NBPF3: variants seen among roughly 807,000 people sequenced by gnomAD.
The protein encoded by NBPF3 is NBPF family member NBPF3.
A neutral mutation model predicts 78.1 loss-of-function variants in NBPF3; 57 were observed. The ratio of observed to expected loss-of-function variants is 0.73; its 90% CI spans 0.59 to 0.91. NBPF3 has a LOEUF of 0.91. Ranked by LOEUF, NBPF3 falls within the 40% of genes least tolerant of loss-of-function variation. The probability of loss-of-function intolerance (pLI) is 0.00; values close to 1 mark genes in which losing one functional copy is unlikely to be tolerated. For synonymous variants in NBPF3, 182 were observed against 271.7 expected (o/e 0.67, Z 3.25); for missense variants, 510 against 715.3 (o/e 0.71, Z 3.27).
chr1:21,452,532 T>C (rs1186815667), intron 2 of NBPF3, among the ~76,000 whole-genome samples: 3 of 152,384 alleles, frequency 2.0e-5, no homozygotes, highest in East Asian at 1.9e-4. Context: ...GCCTGCCTGC[T>C]GTGCCCAAAA....
chr1:21,452,560 C>T (rs1455250460), intron 2 of NBPF3, among the ~76,000 whole-genome samples: 1 of 152,138 alleles, frequency 6.6e-6, no homozygotes, highest in African/African-American at 2.4e-5. Context: ...GAGATTATTG[C>T]GGTGAAGAAT....
chr1:21,443,071 G>A (rs1640754746), intron 1 of NBPF3, among the ~76,000 whole-genome samples: 2 of 152,120 alleles, frequency 1.3e-5, no homozygotes, highest in African/African-American at 2.4e-5. Context: ...TAAATCGATT[G>A]ACTGTATGGT....
At chr1:21,474,066 ACTTTT>A (rs1190666294) in intron 7 of NBPF3, among the ~76,000 whole-genome samples, 2 of 152,198 alleles carry the variant, frequency 1.3e-5, no homozygotes, top group African/African-American at 4.8e-5. Flanking sequence ...CAGGACAGAA[ACTTTT>A]CTTTTTTACT....
chr1:21,453,311 C>T (rs532140167), intron 2 of NBPF3: 27 of 152,244 alleles, frequency 1.8e-4, no homozygotes, highest in African/African-American at 6.0e-4. Flanking sequence ...CTTCAGTGGC[C>T]ACTCTTCCAC....
At chr1:21,467,097 A>G (rs1260086864) in intron 2 of NBPF3, 1 of 984,150 alleles carries the variant, frequency 1.0e-6, no homozygotes, top group Admixed American at 6.1e-5. Flanking sequence ...GATTTTCATT[A>G]TGACACAGAA....
At chr1:21,470,099 T>A (rs2147985458) in intron 3 of NBPF3, among the ~76,000 whole-genome samples, 1 of 152,364 alleles carries the variant, frequency 6.6e-6, no homozygotes, top group Middle Eastern at 3.4e-3. Context: ...CTTCATGGCC[T>A]TATGGTCTTA....
chr1:21,475,602 G>C (rs1298732159), intron 8 of NBPF3, among the ~76,000 whole-genome samples: 1 of 152,222 alleles, frequency 6.6e-6, no homozygotes, highest in Non-Finnish European at 1.5e-5. Flanking sequence ...GCTCTAATTT[G>C]ATAGCACTGT....
chr1:21,445,843 C>T (rs183899254), intron 2 of NBPF3, among the ~76,000 whole-genome samples: 1 of 152,162 alleles, frequency 6.6e-6, no homozygotes, highest in African/African-American at 2.4e-5. Flanking sequence ...TTCCCAGGAC[C>T]TTGTGGTGGA....
At chr1:21,483,106 T>C (rs747344981) in intron 14 of NBPF3, 37 bp from the exon 15 acceptor site, 2 of 1,611,994 alleles carry the variant, frequency 1.2e-6, no homozygotes, top group Non-Finnish European at 1.7e-6. Context: ...TGTCTGATTT[T>C]CCCTGGCTGC....
intron 2 of NBPF3, among the ~76,000 whole-genome samples, chr1:21,461,226 A>C (rs1032818381): frequency 2.1e-4 from 26 of 122,670 alleles, no homozygotes; most frequent in African/African-American, 7.3e-4. Context: ...ACCCAGGAAA[A>C]TCAGTATGTC....
At chr1:21,448,322 T>G in intron 2 of NBPF3, among the ~76,000 whole-genome samples, 1 of 151,692 alleles carries the variant, frequency 6.6e-6, no homozygotes, top group East Asian at 1.9e-4. Flanking sequence ...CATACCTGGA[T>G]TTATTATTAT....
At chr1:21,451,010 C>T (rs984216288) in intron 2 of NBPF3, among the ~76,000 whole-genome samples, 17 of 152,338 alleles carry the variant, frequency 1.1e-4, no homozygotes, top group African/African-American at 3.4e-4. Flanking sequence ...AGCCTGGGAC[C>T]GGCCCGCCGT....
At chr1:21,474,210 C>CTTTTTTT (rs11453851) in intron 7 of NBPF3, among the ~76,000 whole-genome samples, 16 of 143,832 alleles carry the variant, frequency 1.1e-4, no homozygotes, top group South Asian at 2.2e-4. Flanking sequence ...TTTTCTTTTT[C>CTTTTTTT]TTTTTTTTTT....
chr1:21,466,524 C>T (rs1215933183), intron 2 of NBPF3, among the ~76,000 whole-genome samples: 1 of 151,804 alleles, frequency 6.6e-6, no homozygotes. Context: ...AAGGGAAGAC[C>T]CAAGTCTCAT....
intron 2 of NBPF3, among the ~76,000 whole-genome samples, chr1:21,467,727 A>AT (rs888725987): frequency 1.1e-4 from 16 of 152,372 alleles, no homozygotes; most frequent in African/African-American, 3.4e-4. Flanking sequence ...AGATCTCTAT[A>AT]TAAATGATTT....
At chr1:21,464,214 C>T (rs1642121245) in intron 2 of NBPF3, among the ~76,000 whole-genome samples, 1 of 152,192 alleles carries the variant, frequency 6.6e-6, no homozygotes, top group Non-Finnish European at 1.5e-5. Flanking sequence ...AAAGTGGAAA[C>T]ATCTTTAACC....
intron 2 of NBPF3, among the ~76,000 whole-genome samples, chr1:21,450,443 C>T (rs1641243651): frequency 6.6e-6 from 1 of 152,202 alleles, no homozygotes; most frequent in African/African-American, 2.4e-5. Flanking sequence ...AGATCCAGTT[C>T]ATGCAGGTAA....
intron 3 of NBPF3, among the ~76,000 whole-genome samples, chr1:21,469,786 C>T (rs973939336): frequency 3.3e-5 from 5 of 152,060 alleles, no homozygotes; most frequent in African/African-American, 1.2e-4. Flanking sequence ...GGCTCTTGTT[C>T]CTAAAGAGGA....
chr1:21,447,915 C>G (rs1053961804), intron 2 of NBPF3, among the ~76,000 whole-genome samples: 9 of 152,086 alleles, frequency 5.9e-5, no homozygotes, highest in African/African-American at 2.2e-4. Context: ...TTTTGAGTGT[C>G]TTTTTCATAT....
Sources: allele counts gnomAD v4.1 joint callset (sites outside exome capture counted in the v4.1 genomes callset), GRCh38; gene constraint gnomAD v4.1.1; transcripts MANE v1.5; gene names NCBI Gene and HGNC (gene_info 2026-07-23, HGNC 2026-07-21).